GTF3C1: variants seen among roughly 807,000 people sequenced by gnomAD.
GTF3C1 encodes general transcription factor 3C polypeptide 1.
Under a neutral mutation model 226.7 loss-of-function variants are expected in GTF3C1, and 57 were observed. That is an observed-to-expected ratio of 0.25 (90% CI 0.20 to 0.31). The LOEUF (loss-of-function observed/expected upper bound fraction) is 0.31, where lower values mean the gene tolerates loss of function less well. Ranked by LOEUF, GTF3C1 falls within the 10% of genes least tolerant of loss-of-function variation. The probability of loss-of-function intolerance (pLI) is 1.00; values close to 1 mark genes in which losing one functional copy is unlikely to be tolerated. For synonymous variants in GTF3C1, 1,090 were observed against 1,084.8 expected, an observed-to-expected ratio of 1.00 and a Z score of -0.09; for missense variants, 2,217 against 2,776.1, an observed-to-expected ratio of 0.80 and a Z score of 4.53.
Position 27,471,790 on chromosome 16 carries a change from G to A in GTF3C1, c.4484C>T (p.Pro1495Leu), listed in dbSNP as rs748133139. The A allele has an allele frequency of 1.9e-6, 3 of 1,613,974 alleles. No homozygotes were observed. The African/African-American group carries it at 4.0e-5, about 22-fold the overall frequency. The stretch of plus-strand genomic sequence containing the variant: ...TAGCTGGTAGGACATTGGCACGAAG[G>A]GGAGGGCCCGGTTCTTCTTGGGGCC... ...TLGPKKNRAL[P>L]FVPMSYQLSQ... The change falls in exon 30 of 37, where the codon CCC (proline) becomes CTC (leucine). Residue 1495 changes from proline (P) to leucine (L), a missense_variant. Pro to Leu is a moderately conservative substitution (Grantham distance 98). Coordinates refer to ENST00000356183, the MANE Select transcript of GTF3C1 (RefSeq NM_001520.4). This position sits in a 1 kb window ranked among gnomAD's most constrained non-coding sequence, Gnocchi z 5.0.
chr16:27,521,283 C>T (rs2088744487), intron 6 of GTF3C1, among the ~76,000 whole-genome samples: 1 of 152,256 alleles, frequency 6.6e-6, no homozygotes, highest in Non-Finnish European at 1.5e-5. Flanking sequence ...GCATTCCCTT[C>T]TCAGCCTGTA....
chr16:27,502,789 G>T, intron 11 of GTF3C1, 70 bp downstream of exon 11: 1 of 1,503,924 alleles, frequency 6.6e-7, no homozygotes. Context: ...TCCATGGCTT[G>T]TGATGACCAA....
In GTF3C1 at chr16:27,461,378, A is replaced by G. The variant is rs766643431; in HGVS notation, c.6302T>C (p.Val2101Ala). 2 of 1,612,284 alleles carry G rather than the reference A, an allele frequency of 1.2e-6. No homozygotes were observed. The highest frequency in any genetic ancestry group is 1.7e-6 in the Non-Finnish European group (2 of 1,178,870). Residue 2101 changes from valine (V) to alanine (A), a missense_variant, in exon 37 of 37, where the codon GTC becomes GCC. By Grantham distance (64) the Val-to-Ala change is moderately conservative. Coordinates refer to ENST00000356183, the MANE Select transcript of GTF3C1 (RefSeq NM_001520.4). This position sits in a 1 kb window ranked among gnomAD's most constrained non-coding sequence, Gnocchi z 5.3. ...GAGGTGGATCCACTTGTTCCAGTTG[A>G]CCTCGTGGGGGAACACACGGCCCAG... Reference protein sequence around the residue: ...LRLGRVFPHEVNWNKWIHL With the variant: ...LRLGRVFPHEANWNKWIHL
Position 27,474,778 on chromosome 16 carries a change from A to C in GTF3C1, c.4353+1673T>G, listed in dbSNP as rs576127289. ...GCACAGATACTAGCCTTCCACTCCA[A>C]ATGTGTACACTTGACCGTATGTGTA... On this transcript the variant is annotated intron_variant, in intron 29 of 36. Transcript: ENST00000356183. Among the ~76,000 whole-genome samples, 17 of 152,270 alleles carry C rather than the reference A, an allele frequency of 1.1e-4. 1 individual carries two copies. The South Asian group carries it at 3.5e-3, about 32-fold the overall frequency.
Position 27,492,431 on chromosome 16 carries a change from G to A in GTF3C1, c.3058C>T (p.Pro1020Ser), listed in dbSNP as rs1354104321. The stretch of plus-strand genomic sequence containing the variant: ...AGGACATAGAGGCGCCTCTCGAAGG[G>A]CCGGCTGCTGCGGGCCAGGTTGTAA... ...PHYNLARSSR[P>S]FERRLYVLNS... Residue 1020 changes from proline to serine, a missense_variant, in exon 19 of 37, where the codon CCC becomes TCC. By Grantham distance (74) the Pro-to-Ser change is moderately conservative. Coordinates refer to ENST00000356183, the MANE Select transcript of GTF3C1 (RefSeq NM_001520.4). This position sits in a 1 kb window ranked among gnomAD's most constrained non-coding sequence, Gnocchi z 5.0. 5.6e-6 allele frequency: 9 copies of A among 1,611,134 alleles called. No individual in the cohort carries two copies. In the Admixed American group the frequency reaches 8.3e-5, roughly 15 times the overall value.
rs768305379 is a variant in GTF3C1 at position 27,502,836 on chromosome 16, C to CA, written c.1907+22dup. On this transcript the variant is annotated intron_variant, in intron 11 of 36. Transcript: ENST00000356183. ...ATTACTGTTAGTGCCAGCAGACAGA[C>CA]AGACAGACAGACAGCTCCTTACGTG... is the stretch of plus-strand genomic sequence containing the variant. 1.6e-4 allele frequency: 253 copies of CA among 1,553,180 alleles called. 2 individuals are homozygous for CA. Among genetic ancestry groups the CA allele is most frequent in the East Asian group, 1.2e-3 (49 of 41,192 alleles).
chr16:27,541,789 G>C (rs1420242659), intron 2 of GTF3C1, among the ~76,000 whole-genome samples: 1 of 152,154 alleles, frequency 6.6e-6, no homozygotes, highest in Non-Finnish European at 1.5e-5. Context: ...CACTGGGTGA[G>C]CAGAGGCACA....
chr16:27,461,905 G>T lies in GTF3C1; in HGVS notation c.6118-343C>A. 2.5e-6 allele frequency: 1 copy of T among 392,578 alleles called. No homozygotes were observed. The highest frequency in any genetic ancestry group is 4.7e-6 in the Non-Finnish European group (1 of 214,632). 24.3% of individuals were successfully genotyped at this position (392,578 alleles called of 1,614,324 possible). ...GTTTTGTTTGGCTCATGGGGAATTTGACACTCAACTTCAAGCTCCTAGCTG... is the reference window on the plus strand; with the variant it reads ...GTTTTGTTTGGCTCATGGGGAATTTTACACTCAACTTCAAGCTCCTAGCTG... On this transcript the variant is annotated intron_variant, in intron 36 of 36. Coordinates refer to ENST00000356183, the MANE Select transcript of GTF3C1 (RefSeq NM_001520.4). The surrounding 1 kb of genome is among the most constrained non-coding windows in gnomAD (Gnocchi z 5.3).
intron 9 of GTF3C1, among the ~76,000 whole-genome samples, chr16:27,506,415 G>A (rs1338602872): frequency 6.6e-6 from 1 of 152,152 alleles, no homozygotes; most frequent in African/African-American, 2.4e-5. Flanking sequence ...GCCAGTAAGA[G>A]TCCCTCCCTA....
chr16:27,549,631 GCC>G, intron 1 of GTF3C1, 37 bp downstream of exon 1: 1 of 691,952 alleles, frequency 1.4e-6, no homozygotes, highest in Non-Finnish European at 2.4e-6. Context: ...CGGGCCCTGC[GCC>G]CGCCCGCCCG....
chr16:27,472,059 T>C (rs2087880565), intron 29 of GTF3C1, 139 bp from the exon 30 acceptor site: 1 of 682,970 alleles, frequency 1.5e-6, no homozygotes, highest in Admixed American at 2.4e-5. Flanking sequence ...GGCGTATGTG[T>C]GTGTCAGTGA....
chr16:27,512,791 C>T (rs2088595179), intron 6 of GTF3C1, among the ~76,000 whole-genome samples: 1 of 152,198 alleles, frequency 6.6e-6, no homozygotes, highest in African/African-American at 2.4e-5. Flanking sequence ...ACATGAGCTA[C>T]TCATTTGGTT....
Position 27,494,859 on chromosome 16 carries a change from G to T in GTF3C1, c.2682C>A (p.Val894=), listed in dbSNP as rs777047838. ...CCCAGCCAAAGCCGAAGTCCCTGTG[G>T]ACTGGGATTGGGGGGATGTAGCGCA... ...SWMRYIPPIP[V]HRDFGFGWAL... is the part of the protein sequence containing the mutation. Residue 894 remains valine, a synonymous_variant, in exon 16 of 37, where the codon GTC becomes GTA. Transcript: ENST00000356183. 1.9e-6 allele frequency: 3 copies of T among 1,612,876 alleles called. No individual in the cohort carries two copies. Among genetic ancestry groups the T allele is most frequent in the Non-Finnish European group, 2.5e-6 (3 of 1,178,822 alleles).
At chr16:27,511,665 G>GCT in intron 7 of GTF3C1, 84 bp downstream of exon 7, 1 of 1,403,064 alleles carries the variant, frequency 7.1e-7, no homozygotes, top group Non-Finnish European at 1.0e-6. Context: ...CTATAGCAGA[G>GCT]CTCTCTCTCG....
intron 23 of GTF3C1, among the ~76,000 whole-genome samples, chr16:27,486,906 C>T (rs182884144): frequency 2.5e-4 from 38 of 152,312 alleles, no homozygotes; most frequent in Non-Finnish European, 4.6e-4. Context: ...TTGAGGAACA[C>T]AGAGACATAC....
At chr16:27,494,023 A>G (rs1307433746) in intron 16 of GTF3C1, among the ~76,000 whole-genome samples, 1 of 152,138 alleles carries the variant, frequency 6.6e-6, no homozygotes, top group Admixed American at 6.5e-5. Flanking sequence ...CAAGAAGATA[A>G]TTACTTAGTA....
chr16:27,519,587 G>A lies in GTF3C1; in HGVS notation c.974-7686C>T, dbSNP rs1057002730. Among the ~76,000 whole-genome samples, 6 of 152,286 alleles carry A rather than the reference G, an allele frequency of 3.9e-5. No homozygotes were observed. In the East Asian group the frequency reaches 9.7e-4, roughly 24 times the overall value. On this transcript the variant is annotated intron_variant, in intron 6 of 36. Coordinates refer to ENST00000356183, the MANE Select transcript of GTF3C1 (RefSeq NM_001520.4). Reference sequence around the variant, plus strand: ...ATGGGAGGCAGCAGAGTAAGTAACCGATCCTCTATTCAAATCCCTGCACCA... The same window carrying A: ...ATGGGAGGCAGCAGAGTAAGTAACCAATCCTCTATTCAAATCCCTGCACCA...
At chr16:27,488,440 A>G (rs778840936) in intron 22 of GTF3C1, 25 bp from the exon 23 acceptor site, 3 of 1,594,146 alleles carry the variant, frequency 1.9e-6, no homozygotes, top group Non-Finnish European at 2.6e-6. Flanking sequence ...AGGAGACAAC[A>G]GTTTCAGGAC....
chr16:27,524,393 T>C (rs978240494), intron 6 of GTF3C1, among the ~76,000 whole-genome samples: 1 of 152,244 alleles, frequency 6.6e-6, no homozygotes, highest in South Asian at 2.1e-4. Flanking sequence ...CTGTGTGTTA[T>C]CAGCCTGTGG....
Sources: allele counts gnomAD v4.1 joint callset (sites outside exome capture counted in the v4.1 genomes callset), GRCh38; gene constraint gnomAD v4.1.1; non-coding constraint Gnocchi (gnomAD v3.1); transcripts MANE v1.5; gene names NCBI Gene and HGNC (gene_info 2026-07-23, HGNC 2026-07-21).